Variants in PARD3 observed in about 807,000 individuals in gnomAD.
The protein encoded by PARD3 is partitioning defective 3 homolog.
A neutral mutation model predicts 155.4 loss-of-function variants in PARD3; 75 were observed. The ratio of observed to expected loss-of-function variants is 0.48; its 90% CI spans 0.40 to 0.58. The LOEUF (loss-of-function observed/expected upper bound fraction) is 0.58. Ranked by LOEUF, PARD3 falls within the 20% of genes least tolerant of loss-of-function variation. The probability of loss-of-function intolerance (pLI) is 0.00; values close to 1 mark genes in which losing one functional copy is unlikely to be tolerated. For missense variants in PARD3, 1,642 were observed against 1,721.7 expected (o/e 0.95, Z 0.82); for synonymous variants, 576 against 610.5 (o/e 0.94, Z 0.83).
chr10:34,429,056 G>T (rs2075767390), intron 5 of PARD3, among the ~76,000 whole-genome samples: 1 of 152,124 alleles, frequency 6.6e-6, no homozygotes, highest in African/African-American at 2.4e-5. Context: ...ATAAATTCAG[G>T]TTGTAAATGA....
At chr10:34,196,500 A>G (rs528099243) in intron 22 of PARD3, among the ~76,000 whole-genome samples, 12 of 151,918 alleles carry the variant, frequency 7.9e-5, no homozygotes, top group Admixed American at 5.9e-4. Flanking sequence ...TTTTCATGAC[A>G]GTAGTATTTC....
chr10:34,492,057 G>A (rs1589764937), intron 3 of PARD3, among the ~76,000 whole-genome samples: 1 of 152,156 alleles, frequency 6.6e-6, no homozygotes, highest in Non-Finnish European at 1.5e-5. Flanking sequence ...TACAGCAAAC[G>A]AGGTGTGGAA....
chr10:34,692,894 C>A (rs2094096391), intron 2 of PARD3, among the ~76,000 whole-genome samples: 1 of 152,072 alleles, frequency 6.6e-6, no homozygotes, highest in Non-Finnish European at 1.5e-5. Flanking sequence ...GGACAAAGAA[C>A]AAGAACAGAC....
chr10:34,396,758 C>T (rs557271499), intron 7 of PARD3, among the ~76,000 whole-genome samples: 4 of 152,006 alleles, frequency 2.6e-5, no homozygotes, highest in African/African-American at 9.7e-5. Context: ...TTATTGTAGT[C>T]CTACTAGATA....
At chr10:34,419,963 T>C (rs991392239) in intron 5 of PARD3, among the ~76,000 whole-genome samples, 4 of 152,218 alleles carry the variant, frequency 2.6e-5, no homozygotes, top group African/African-American at 4.8e-5. Context: ...AATTGATTGA[T>C]TGAGACAGAG....
At chr10:34,459,908 A>C (rs2132930052) in intron 4 of PARD3, among the ~76,000 whole-genome samples, 1 of 152,292 alleles carries the variant, frequency 6.6e-6, no homozygotes, top group Non-Finnish European at 1.5e-5. Context: ...ATTTCTGTGA[A>C]AGTCCCTAGG....
chr10:34,400,986 A>C (rs926566829), intron 6 of PARD3, among the ~76,000 whole-genome samples: 4 of 152,214 alleles, frequency 2.6e-5, no homozygotes, highest in Non-Finnish European at 5.9e-5. Flanking sequence ...CAAGTACTTT[A>C]CTAAATGTAA....
intron 2 of PARD3, among the ~76,000 whole-genome samples, chr10:34,558,542 T>G (rs1040028574): frequency 6.6e-6 from 1 of 152,206 alleles, no homozygotes; most frequent in Non-Finnish European, 1.5e-5. Context: ...GAAGCTATAT[T>G]ATTCCAGAGA....
At chr10:34,603,508 A>G (rs1043036039) in intron 2 of PARD3, among the ~76,000 whole-genome samples, 1 of 152,230 alleles carries the variant, frequency 6.6e-6, no homozygotes, top group African/African-American at 2.4e-5. Flanking sequence ...ATTGAACAAG[A>G]GATGCTGAAT....
chr10:34,126,644 G>A (rs569747722), intron 23 of PARD3, among the ~76,000 whole-genome samples: 3 of 152,102 alleles, frequency 2.0e-5, no homozygotes, highest in Admixed American at 1.3e-4. Flanking sequence ...AGCTCATTTT[G>A]TAAAACAGAT....
At chr10:34,525,974 G>A (rs368256360) in intron 2 of PARD3, among the ~76,000 whole-genome samples, 2 of 151,056 alleles carry the variant, frequency 1.3e-5, no homozygotes, top group Admixed American at 6.6e-5. Flanking sequence ...TCAGCTACTC[G>A]GGAGGCTGAG....
chr10:34,791,206 G>A (rs1841577020), intron 1 of PARD3, among the ~76,000 whole-genome samples: 1 of 152,192 alleles, frequency 6.6e-6, no homozygotes, highest in African/African-American at 2.4e-5. Flanking sequence ...ACTGACGCTT[G>A]TACCCGTCAC....
intron 1 of PARD3, among the ~76,000 whole-genome samples, chr10:34,712,790 G>A (rs1041164437): frequency 2.6e-5 from 4 of 151,980 alleles, no homozygotes; most frequent in Non-Finnish European, 5.9e-5. Context: ...GGGAGGGTGA[G>A]GAGATGGTTG....
intron 2 of PARD3, among the ~76,000 whole-genome samples, chr10:34,685,651 T>C (rs1564506153): frequency 1.3e-5 from 2 of 150,670 alleles, no homozygotes; most frequent in African/African-American, 4.9e-5. Context: ...TGGAGTGCAG[T>C]GGGGCAATCT....
rs570819901 is a variant in PARD3, at chr10:34,585,142, T to G, written c.223-67983A>C. Reference sequence around the variant, plus strand: ...GTGGTTCTCTTCAACTTGATATGTTTTCAATTGCCACTAACTCTTGGACAG... The same window carrying G: ...GTGGTTCTCTTCAACTTGATATGTTGTCAATTGCCACTAACTCTTGGACAG... On this transcript the variant is annotated intron_variant, in intron 2 of 24. Coordinates refer to ENST00000374788, the MANE Select transcript of PARD3 (RefSeq NM_001184785.2). 2.6e-5 allele frequency among the ~76,000 whole-genome samples: 4 copies of G among 152,326 alleles called. No individual in the cohort carries two copies. The South Asian group carries it at 8.3e-4, about 32-fold the overall frequency.
At chr10:34,635,305 G>A (rs797001332) in intron 2 of PARD3, among the ~76,000 whole-genome samples, 4 of 152,348 alleles carry the variant, frequency 2.6e-5, no homozygotes, top group African/African-American at 9.6e-5. Flanking sequence ...AAAGTATTGG[G>A]CAATAAGTCA....
At chr10:34,592,888 T>G (rs768723675) in intron 2 of PARD3, among the ~76,000 whole-genome samples, 94 of 152,166 alleles carry the variant, frequency 6.2e-4, no homozygotes, top group Admixed American at 3.1e-3. Context: ...CAACTAGACC[T>G]CCCCAGGATC....
At chr10:34,138,848 T>G (rs1948036071) in intron 22 of PARD3, among the ~76,000 whole-genome samples, 1 of 151,472 alleles carries the variant, frequency 6.6e-6, no homozygotes, top group South Asian at 2.1e-4. Flanking sequence ...GCACTTGGCA[T>G]CCAATTACTG....
intron 2 of PARD3, among the ~76,000 whole-genome samples, chr10:34,556,523 C>T: frequency 6.6e-6 from 1 of 151,984 alleles, no homozygotes. Flanking sequence ...GCTGGGAATA[C>T]AGGCACCCAC....
Sources: allele counts gnomAD v4.1 joint callset (sites outside exome capture counted in the v4.1 genomes callset), GRCh38; gene constraint gnomAD v4.1.1; transcripts MANE v1.5; gene names NCBI Gene and HGNC (gene_info 2026-07-23, HGNC 2026-07-21).